The following NRXN1 variants were observed in gnomAD, a reference collection of about 807,000 sequenced individuals.
The protein encoded by NRXN1 is neurexin 1, also known as neurexin-1.
In NRXN1, 39 loss-of-function variants were observed where a neutral mutation model predicts 150.9. That is an observed-to-expected ratio of 0.26 (90% confidence interval 0.20 to 0.34). The LOEUF (loss-of-function observed/expected upper bound fraction) is 0.34. NRXN1 is among the 10% of genes least tolerant of loss of function. The pLI, the probability that NRXN1 is intolerant of heterozygous loss-of-function variation, is 1.00. For synonymous variants in NRXN1, 924 were observed against 757.0 expected (o/e 1.22, Z -3.62); for missense variants, 1,815 against 1,949.9 (o/e 0.93, Z 1.30).
At chr2:50,335,099 A>G (rs2077094796) in intron 17 of NRXN1, among the ~76,000 whole-genome samples, 2 of 152,198 alleles carry the variant, frequency 1.3e-5, no homozygotes, top group South Asian at 4.1e-4. Flanking sequence ...AATTTTGTCT[A>G]ATACACAGTC....
chr2:50,884,924 C>A (rs1300693623), intron 5 of NRXN1, among the ~76,000 whole-genome samples: 4 of 151,264 alleles, frequency 2.6e-5, no homozygotes, highest in African/African-American at 7.3e-5. Context: ...TGTCTGGAAG[C>A]AAAACATATG....
chr2:51,008,688 TATA>T (rs575656564), intron 2 of NRXN1, among the ~76,000 whole-genome samples: 3 of 151,908 alleles, frequency 2.0e-5, no homozygotes, highest in South Asian at 2.1e-4. Flanking sequence ...AAAGCATCAA[TATA>T]ATAATTTCCT....
At chr2:50,794,824 G>C (rs896215285) in intron 5 of NRXN1, among the ~76,000 whole-genome samples, 3 of 152,020 alleles carry the variant, frequency 2.0e-5, no homozygotes, top group South Asian at 2.1e-4. Flanking sequence ...AAAAGCTTAA[G>C]ATATCTTTTT....
intron 8 of NRXN1, among the ~76,000 whole-genome samples, chr2:50,593,872 G>T (rs1390260308): frequency 6.6e-6 from 1 of 152,112 alleles, no homozygotes; most frequent in African/African-American, 2.4e-5. Context: ...GCTTACAGTT[G>T]CATGAGGATG....
In NRXN1 at chr2:50,838,666, G is replaced by A. The variant is rs150393926; in HGVS notation, c.832+83203C>T. Among the ~76,000 whole-genome samples the A allele has an allele frequency of 3.4e-3, 519 of 152,148 alleles. 5 individuals carry two copies. Among genetic ancestry groups the A allele is most frequent in the Non-Finnish European group, 5.8e-3 (397 of 67,972 alleles). ...AAAGAAGATATTGTGAAGACACACC[G>A]GGAGAAGCTGGCTGTATGACTAGAG... On this transcript the variant is annotated intron_variant, in intron 5 of 22. Coordinates refer to ENST00000401669, the MANE Select transcript of NRXN1 (RefSeq NM_001330078.2).
intron 5 of NRXN1, among the ~76,000 whole-genome samples, chr2:50,914,711 T>G (rs1319184372): frequency 1.3e-5 from 2 of 151,660 alleles, no homozygotes; most frequent in South Asian, 2.1e-4. Context: ...TTGACTTTGT[T>G]TATTCTTCAT....
intron 5 of NRXN1, among the ~76,000 whole-genome samples, chr2:50,705,665 A>G (rs1269506152): frequency 6.6e-6 from 1 of 152,206 alleles, no homozygotes; most frequent in Non-Finnish European, 1.5e-5. Flanking sequence ...AAGGAGATAA[A>G]TGAAGTCTCA....
chr2:50,335,277 G>A (rs1558548488), intron 17 of NRXN1, among the ~76,000 whole-genome samples: 2 of 152,116 alleles, frequency 1.3e-5, no homozygotes. Flanking sequence ...TGAAATGCTT[G>A]TGTTCTGTCT....
At chr2:50,706,629 A>T (rs1559149240) in intron 5 of NRXN1, among the ~76,000 whole-genome samples, 2 of 152,122 alleles carry the variant, frequency 1.3e-5, no homozygotes, top group African/African-American at 4.8e-5. Flanking sequence ...AACACTATTA[A>T]ATATTTCAGT....
chr2:50,936,986 A>G (rs1388615978), intron 2 of NRXN1, among the ~76,000 whole-genome samples: 1 of 152,152 alleles, frequency 6.6e-6, no homozygotes, highest in Non-Finnish European at 1.5e-5. Flanking sequence ...ATCTTGAAGA[A>G]GAAATTGGAG....
chr2:50,475,172 G>T (rs2089887562), intron 15 of NRXN1, among the ~76,000 whole-genome samples: 2 of 151,990 alleles, frequency 1.3e-5, no homozygotes, highest in Non-Finnish European at 2.9e-5. Flanking sequence ...ATTGAATGAA[G>T]AATTCTTGGC....
chr2:50,604,663 T>G (rs987979277), intron 8 of NRXN1, among the ~76,000 whole-genome samples: 1 of 152,180 alleles, frequency 6.6e-6, no homozygotes, highest in Non-Finnish European at 1.5e-5. Context: ...ACTACTTTTC[T>G]CAAATGTTAC....
At position 50,333,200 on chromosome 2, in the gene NRXN1, T is replaced by C. The variant is rs536369091; in HGVS notation, c.3365-96230A>G. Among the ~76,000 whole-genome samples, 15 of 152,284 alleles carry C rather than the reference T, an allele frequency of 9.9e-5. No individual in the cohort carries two copies. In the East Asian group the frequency reaches 2.9e-3, roughly 29 times the overall value. ...CTGTGCTCCCCTACGTGGGTGGCAA[T>C]AGCAGCCCTGGAGCCTTCAAACCAG... is the stretch of plus-strand genomic sequence containing the variant. On this transcript the variant is annotated intron_variant, in intron 17 of 22. Transcript: ENST00000401669.
chr2:50,772,446 G>A (rs1380484028), intron 5 of NRXN1, among the ~76,000 whole-genome samples: 1 of 151,136 alleles, frequency 6.6e-6, no homozygotes, highest in East Asian at 1.9e-4. Flanking sequence ...AAACATAAAA[G>A]TAAACTTAAA....
chr2:50,911,352 T>A (rs951539152), intron 5 of NRXN1, among the ~76,000 whole-genome samples: 4 of 151,406 alleles, frequency 2.6e-5, no homozygotes, highest in African/African-American at 9.7e-5. Context: ...TTTCTTGTAT[T>A]CACACTAATC....
chr2:50,065,402 G>T (rs182778560), intron 19 of NRXN1, among the ~76,000 whole-genome samples: 1 of 152,178 alleles, frequency 6.6e-6, no homozygotes, highest in African/African-American at 2.4e-5. Context: ...AGTCATAAGG[G>T]CCAACATCTT....
At chr2:50,916,049 T>C (rs1381530348) in intron 5 of NRXN1, among the ~76,000 whole-genome samples, 1 of 144,696 alleles carries the variant, frequency 6.9e-6, no homozygotes, top group African/African-American at 2.6e-5. Flanking sequence ...ACCGGCATTC[T>C]AGATAAAAAT....
intron 21 of NRXN1, among the ~76,000 whole-genome samples, chr2:50,008,679 A>T (rs2152542315): frequency 6.6e-6 from 1 of 152,228 alleles, no homozygotes; most frequent in Middle Eastern, 3.4e-3. Flanking sequence ...TGGAATCTCA[A>T]TTGCCTTGCA....
chr2:50,642,227 A>C (rs72885647), intron 5 of NRXN1, among the ~76,000 whole-genome samples: 2,658 of 152,180 alleles, frequency 0.017, 97 homozygotes, highest in African/African-American at 0.061. Flanking sequence ...AAGTTGAATT[A>C]GACAGGGATC....
Sources: gnomAD v4.1 joint callset for allele counts (sites outside exome capture counted in the v4.1 genomes callset) on GRCh38, gnomAD v4.1.1 for gene constraint, MANE v1.5 for transcripts, NCBI Gene and HGNC (gene_info 2026-07-23, HGNC 2026-07-21) for gene names.